The following SYT1 variants were observed in gnomAD, a reference collection of about 807,000 sequenced individuals.
The protein encoded by SYT1 is synaptotagmin 1, also known as synaptotagmin-1.
In SYT1, 8 loss-of-function variants were observed where a neutral mutation model predicts 44.8. That is an observed-to-expected ratio of 0.18 (90% CI 0.10 to 0.32). The LOEUF (loss-of-function observed/expected upper bound fraction) is 0.32, where lower values mean the gene tolerates loss of function less well. Ranked by LOEUF, SYT1 falls within the 10% of genes least tolerant of loss-of-function variation. The pLI is 1.00. For missense variants in SYT1, 286 were observed against 509.3 expected, an observed-to-expected ratio of 0.56 and a Z score of 4.22; for synonymous variants, 154 against 188.8, an observed-to-expected ratio of 0.82 and a Z score of 1.51.
rs181642600 is a variant in SYT1 at position 79,441,245 on chromosome 12, G to A, written c.929-2828G>A. ...GCGAAGGCAAAGACCGAGACTTCCC[G>A]TTTATAGCAGTTCCAAACCTGCTCC... On this transcript the variant is annotated intron_variant, in intron 9 of 10. Coordinates refer to ENST00000261205, the MANE Select transcript of SYT1 (RefSeq NM_005639.3). 9.2e-5 allele frequency among the ~76,000 whole-genome samples: 14 copies of A among 152,238 alleles called. No homozygotes were observed. In the East Asian group the frequency reaches 1.7e-3, roughly 19 times the overall value.
At chr12:79,195,385 T>C (rs1283702755) in intron 3 of SYT1, among the ~76,000 whole-genome samples, 3 of 152,156 alleles carry the variant, frequency 2.0e-5, no homozygotes, top group South Asian at 2.1e-4. Context: ...ATTTAGCTAT[T>C]TATTTTTTAA....
At chr12:79,295,479 C>T (rs1316874660) in intron 6 of SYT1, among the ~76,000 whole-genome samples, 1 of 152,120 alleles carries the variant, frequency 6.6e-6, no homozygotes, top group African/African-American at 2.4e-5. Flanking sequence ...TATATTTAAA[C>T]ACAGAATCTC....
At chr12:79,112,609 T>C (rs1030017009) in intron 3 of SYT1, among the ~76,000 whole-genome samples, 4 of 152,090 alleles carry the variant, frequency 2.6e-5, no homozygotes, top group Non-Finnish European at 5.9e-5. Flanking sequence ...ATAAAAATGA[T>C]AAAGTAGCAT....
intron 8 of SYT1, among the ~76,000 whole-genome samples, chr12:79,343,548 T>C (rs978528254): frequency 6.6e-6 from 1 of 152,202 alleles, no homozygotes; most frequent in African/African-American, 2.4e-5. Context: ...GACTTGGGAA[T>C]TGAACCTAAG....
intron 9 of SYT1, among the ~76,000 whole-genome samples, chr12:79,403,982 G>A (rs2136119793): frequency 6.6e-6 from 1 of 152,206 alleles, no homozygotes; most frequent in Non-Finnish European, 1.5e-5. Flanking sequence ...TTTAATCTGT[G>A]TGTTTTCATT....
At chr12:78,934,659 G>T (rs1205020924) in intron 1 of SYT1, among the ~76,000 whole-genome samples, 7 of 152,130 alleles carry the variant, frequency 4.6e-5, no homozygotes, top group African/African-American at 1.4e-4. Flanking sequence ...GTGGAATATA[G>T]AAAAAGAAAG....
chr12:79,378,857 G>A (rs1022531299), intron 9 of SYT1, among the ~76,000 whole-genome samples: 1 of 152,146 alleles, frequency 6.6e-6, no homozygotes, highest in Non-Finnish European at 1.5e-5. Flanking sequence ...GCCATTAGAT[G>A]AATTTACAGC....
intron 1 of SYT1, among the ~76,000 whole-genome samples, chr12:78,945,858 G>A (rs1296429314): frequency 6.6e-6 from 1 of 152,042 alleles, no homozygotes; most frequent in African/African-American, 2.4e-5. Context: ...TATAATCGAA[G>A]GCAGCCCTTC....
At chr12:79,403,091 A>G (rs1323293337) in intron 9 of SYT1, among the ~76,000 whole-genome samples, 2 of 152,226 alleles carry the variant, frequency 1.3e-5, no homozygotes, top group African/African-American at 4.8e-5. Flanking sequence ...TGACGGGTGT[A>G]TATGAGAAAA....
chr12:79,289,493 G>T (rs996749092), intron 5 of SYT1, among the ~76,000 whole-genome samples: 3 of 152,136 alleles, frequency 2.0e-5, no homozygotes, highest in African/African-American at 7.2e-5. Flanking sequence ...CAAAAATTTA[G>T]CCCTATTTCA....
chr12:79,331,721 A>G (rs1346782459), intron 8 of SYT1, among the ~76,000 whole-genome samples: 4 of 152,146 alleles, frequency 2.6e-5, no homozygotes, highest in Non-Finnish European at 5.9e-5. Context: ...AGTAGTAAAC[A>G]TGCTTTTATG....
At chr12:79,110,921 G>A (rs903964690) in intron 3 of SYT1, among the ~76,000 whole-genome samples, 1 of 152,074 alleles carries the variant, frequency 6.6e-6, no homozygotes, top group Non-Finnish European at 1.5e-5. Flanking sequence ...AAACTATTAA[G>A]TGATTTGCCC....
chr12:78,933,512 A>G (rs1403625927), intron 1 of SYT1, among the ~76,000 whole-genome samples: 1 of 152,106 alleles, frequency 6.6e-6, no homozygotes, highest in African/African-American at 2.4e-5. Flanking sequence ...GTAATGTTCT[A>G]TTTCTTAAGG....
chr12:78,927,637 T>A (rs1877377220), intron 1 of SYT1, among the ~76,000 whole-genome samples: 1 of 152,134 alleles, frequency 6.6e-6, no homozygotes, highest in Admixed American at 6.6e-5. Context: ...ATGACTTTAT[T>A]TTCCTTCTTT....
At chr12:79,313,468 T>C (rs1880907896) in intron 8 of SYT1, among the ~76,000 whole-genome samples, 1 of 152,188 alleles carries the variant, frequency 6.6e-6, no homozygotes, top group Non-Finnish European at 1.5e-5. Flanking sequence ...TGCAAATCCT[T>C]TTTTAAAATC....
intron 2 of SYT1, among the ~76,000 whole-genome samples, chr12:79,024,889 C>G (rs2137640493): frequency 6.6e-6 from 1 of 151,810 alleles, no homozygotes; most frequent in Admixed American, 6.6e-5. Flanking sequence ...TGTTTGTTGG[C>G]TACATATTTT....
rs566101259 is a variant in SYT1, at chr12:78,875,364, A to G, written c.-217+10255A>G. ...GGAAGAAGAGAGACCATTAAAAACA[A>G]CAACAAAACATTGCTATGGTACTTA... is the stretch of plus-strand genomic sequence containing the variant. On this transcript the variant is annotated intron_variant, in intron 1 of 10. Transcript: ENST00000261205. Among the ~76,000 whole-genome samples, 7 of 151,732 alleles carry G rather than the reference A, an allele frequency of 4.6e-5. No individual in the cohort carries two copies. The South Asian group carries it at 1.5e-3, about 31-fold the overall frequency.
Position 79,375,199 on chromosome 12 carries a change from C to A in SYT1, c.928+21580C>A, listed in dbSNP as rs534012200. On this transcript the variant is annotated intron_variant, in intron 9 of 10. Coordinates refer to ENST00000261205, the MANE Select transcript of SYT1 (RefSeq NM_005639.3). ...GCCAGATCTGGTCCACAGGTAGTAA[C>A]CTGCCGGGAGCTAATTAACAGGATT... 3.0e-4 allele frequency among the ~76,000 whole-genome samples: 45 copies of A among 152,196 alleles called. 1 individual carries two copies. Among genetic ancestry groups the A allele is most frequent in the Admixed American group, 1.2e-3 (18 of 15,288 alleles).
At chr12:79,135,631 C>T (rs1869140113) in intron 3 of SYT1, among the ~76,000 whole-genome samples, 1 of 152,122 alleles carries the variant, frequency 6.6e-6, no homozygotes, top group African/African-American at 2.4e-5. Context: ...AAGTAGGTTA[C>T]TCCAGATTTA....
Sources: gnomAD v4.1 joint callset for allele counts (sites outside exome capture counted in the v4.1 genomes callset) on GRCh38, gnomAD v4.1.1 for gene constraint, MANE v1.5 for transcripts, NCBI Gene and HGNC (gene_info 2026-07-23, HGNC 2026-07-21) for gene names.